Variants in ZNF705A observed in about 807,000 individuals in gnomAD.
ZNF705A encodes zinc finger protein 705A.
ZNF705A carries 8 observed loss-of-function variants against 16.6 expected under a neutral mutation model. The ratio of observed to expected loss-of-function variants is 0.48; its 90% CI spans 0.28 to 0.87. The LOEUF is 0.87. Ranked by LOEUF, ZNF705A falls within the 40% of genes least tolerant of loss-of-function variation. The pLI, the probability that ZNF705A is intolerant of heterozygous loss-of-function variation, is 0.10. For missense variants in ZNF705A, 233 were observed against 359.9 expected, an observed-to-expected ratio of 0.65 and a Z score of 2.85; for synonymous variants, 73 against 117.3, an observed-to-expected ratio of 0.62 and a Z score of 2.44.
At chr12:8,173,255 T>C (rs1298134706) in intron 1 of ZNF705A, among the ~76,000 whole-genome samples, 5 of 152,244 alleles carry the variant, frequency 3.3e-5, no homozygotes, top group Non-Finnish European at 7.3e-5. Flanking sequence ...TTATTATTCT[T>C]ATCCCCATTC....
exon 5 of ZNF705A, chr12:8,177,384 A>C (rs1318028554): frequency 1.2e-6 from 2 of 1,612,068 alleles, no homozygotes; most frequent in Non-Finnish European, 1.7e-6. Context: ...CAATGTGGGA[A>C]AGCCTTTATT....
chr12:8,176,155 T>C (rs1948483100), intron 4 of ZNF705A, among the ~76,000 whole-genome samples: 1 of 152,240 alleles, frequency 6.6e-6, no homozygotes, highest in Admixed American at 6.5e-5. Flanking sequence ...TGCATATACA[T>C]TGCTCATGCC....
chr12:8,177,964 A>G (rs1349147880), exon 5 of ZNF705A: 1 of 255,350 alleles, frequency 3.9e-6, no homozygotes, highest in Non-Finnish European at 7.5e-6. Flanking sequence ...ATGACATGAG[A>G]GAGCTGAAAC....
chr12:8,172,480 A>T, upstream of ZNF705A: 1 of 1,052,272 alleles, frequency 9.5e-7, no homozygotes, highest in South Asian at 1.2e-5. Context: ...CTTCAGTGAA[A>T]GTCTGGCTTT....
chr12:8,178,723 A>G (rs979484421), exon 5 of ZNF705A: 12 of 152,280 alleles, frequency 7.9e-5, no homozygotes, highest in Admixed American at 1.3e-4. Flanking sequence ...CAAAAGATCA[A>G]TACTTACAAA....
chr12:8,176,449 A>T (rs1473339689), intron 4 of ZNF705A, among the ~76,000 whole-genome samples: 1 of 152,236 alleles, frequency 6.6e-6, no homozygotes, highest in Non-Finnish European at 1.5e-5. Context: ...TTCATGTAAA[A>T]GGTAGGTAGA....
chr12:8,169,855 G>A (rs919154514), upstream of ZNF705A, among the ~76,000 whole-genome samples: 3 of 152,096 alleles, frequency 2.0e-5, no homozygotes, highest in African/African-American at 7.2e-5. Flanking sequence ...AAACATTAAG[G>A]TAATATTGAG....
At chr12:8,175,388 A>C (rs1483295298) in intron 3 of ZNF705A, 65 bp downstream of exon 4, 3 of 1,134,384 alleles carry the variant, frequency 2.6e-6, no homozygotes, top group Non-Finnish European at 3.9e-6. Flanking sequence ...TATCAGTTGA[A>C]TATTAATTAG....
chr12:8,160,411 G>C (rs1677406750), intron 1 of ZNF705A, among the ~76,000 whole-genome samples: 1 of 152,048 alleles, frequency 6.6e-6, no homozygotes, highest in Non-Finnish European at 1.5e-5. Context: ...ATTGCTTTTG[G>C]CACTATGGTC....
exon 5 of ZNF705A, chr12:8,177,042 C>T (rs774745625): frequency 2.6e-5 from 42 of 1,610,930 alleles, no homozygotes; most frequent in African/African-American, 8.0e-5. Flanking sequence ...TGTAATGATT[C>T]GGGAGAAGAT....
rs776396257 is a variant in ZNF705A, at chr12:8,176,882, G to C, written c.319-117G>C. 179 of 1,445,168 alleles carry C rather than the reference G, an allele frequency of 1.2e-4. No individual in the cohort carries two copies. The African/African-American group carries it at 2.5e-3, about 20-fold the overall frequency. The allele number at this position is 1,445,168 out of a possible 1,614,324, so 89.5% of individuals were successfully genotyped here. A position where few individuals can be genotyped will look rare whatever the true frequency, so the allele number is the denominator to read the frequency against. ...ATTTCCTTTCACACAAGAAACATTG[G>C]AAAGCTTTCAACTGGGGTCTACCAC... On this transcript the variant is annotated intron_variant, in intron 4 of 4. Transcript: ENST00000359286.
chr12:8,174,811 A>T (rs1207630032), intron 2 of ZNF705A, among the ~76,000 whole-genome samples: 1 of 152,206 alleles, frequency 6.6e-6, no homozygotes, highest in East Asian at 1.9e-4. Context: ...GGCTGAGACC[A>T]ATTAGTGAAA....
chr12:8,177,003 A>G (rs1388897038), exon 5 of ZNF705A: 3 of 1,610,346 alleles, frequency 1.9e-6, no homozygotes, highest in Non-Finnish European at 2.5e-6. Flanking sequence ...CCAAAGGAGA[A>G]CTCTCTCATT....
intron 1 of ZNF705A, among the ~76,000 whole-genome samples, chr12:8,158,441 T>G (rs1473715634): frequency 1.3e-5 from 2 of 152,152 alleles, no homozygotes; most frequent in Non-Finnish European, 2.9e-5. Context: ...TTTTTGAGAT[T>G]TATCTATGTT....
At chr12:8,159,207 A>G (rs1405813531) in intron 1 of ZNF705A, among the ~76,000 whole-genome samples, 3 of 152,082 alleles carry the variant, frequency 2.0e-5, no homozygotes, top group African/African-American at 7.2e-5. Flanking sequence ...TTCTTTATCC[A>G]CTTGTTGATT....
upstream of ZNF705A, among the ~76,000 whole-genome samples, chr12:8,171,944 C>T (rs1948449317): frequency 6.6e-6 from 1 of 152,302 alleles, no homozygotes; most frequent in African/African-American, 2.4e-5. Flanking sequence ...ACCATGTTGG[C>T]CAGGCTAGTC....
At chr12:8,157,208 T>A (rs1009419406) in intron 1 of ZNF705A, 116 bp downstream of exon 1, 4 of 393,062 alleles carry the variant, frequency 1.0e-5, no homozygotes, top group Non-Finnish European at 1.3e-5. Context: ...AGACCCTAAA[T>A]AAGCATTTCA....
exon 1 of ZNF705A, chr12:8,172,587 A>C (rs1948453831): frequency 6.3e-7 from 1 of 1,596,406 alleles, no homozygotes; most frequent in Non-Finnish European, 8.5e-7. Context: ...CTGCACATGG[A>C]AATCCAGAGG....
chr12:8,170,993 A>T (rs1168044021), upstream of ZNF705A, among the ~76,000 whole-genome samples: 1 of 152,234 alleles, frequency 6.6e-6, no homozygotes, highest in African/African-American at 2.4e-5. Context: ...TTTGTCAAAA[A>T]GCAAGAAGAG....
Sources: gnomAD v4.1 joint callset for allele counts (sites outside exome capture counted in the v4.1 genomes callset) on GRCh38, gnomAD v4.1.1 for gene constraint, MANE v1.5 for transcripts, NCBI Gene and HGNC (gene_info 2026-07-23, HGNC 2026-07-21) for gene names.